SF3B3: variants seen among roughly 807,000 people sequenced by gnomAD.
SF3B3 encodes the protein splicing factor 3b subunit 3, also known as SAP 130.
Under a neutral mutation model 139.2 loss-of-function variants are expected in SF3B3, and 33 were observed. The ratio of observed to expected loss-of-function variants is 0.24; its 90% confidence interval spans 0.18 to 0.32. SF3B3 has a LOEUF of 0.32. Ranked by LOEUF, SF3B3 falls within the 10% of genes least tolerant of loss-of-function variation. The pLI, the probability that SF3B3 is intolerant of heterozygous loss-of-function variation, is 1.00. For synonymous variants in SF3B3, 596 were observed against 563.6 expected (o/e 1.06, Z -0.81); for missense variants, 818 against 1,509.4 (o/e 0.54, Z 7.59).
Position 70,543,859 on chromosome 16 carries a change from T to A in SF3B3, c.1234-579T>A, listed in dbSNP as rs4643306. On this transcript the variant is annotated intron_variant, in intron 9 of 25. Coordinates refer to ENST00000302516, the MANE Select transcript of SF3B3 (RefSeq NM_012426.5). ...TACTGTTTTTTTGTGTTTTTTTTTT[T>A]AATTTTTTTTTGAGACAAGAGTCTC... 6.6e-3 allele frequency among the ~76,000 whole-genome samples: 1,004 copies of A among 152,008 alleles called. 17 individuals are homozygous for A. The highest frequency in any genetic ancestry group is 0.023 in the African/African-American group (943 of 41,416).
intron 2 of SF3B3, among the ~76,000 whole-genome samples, chr16:70,527,695 A>C (rs933073141): frequency 6.6e-6 from 1 of 152,218 alleles, no homozygotes; most frequent in Non-Finnish European, 1.5e-5. Flanking sequence ...AATGAATCTC[A>C]GCTGGAGTTT....
At chr16:70,554,789 C>T (rs1421469191) in intron 12 of SF3B3, among the ~76,000 whole-genome samples, 192 bp downstream of exon 12, 1 of 152,224 alleles carries the variant, frequency 6.6e-6, no homozygotes, top group Non-Finnish European at 1.5e-5. Context: ...CACATCACTG[C>T]AGCTTTCATC....
intron 20 of SF3B3, among the ~76,000 whole-genome samples, 169 bp from the exon 21 acceptor site, chr16:70,567,242 A>G (rs918152095): frequency 6.6e-6 from 1 of 152,300 alleles, no homozygotes; most frequent in African/African-American, 2.4e-5. Context: ...GAGTGAATGC[A>G]GCATGCGGAA....
At chr16:70,559,841 AGTC>A in intron 15 of SF3B3, among the ~76,000 whole-genome samples, 1 of 151,816 alleles carries the variant, frequency 6.6e-6, no homozygotes, top group East Asian at 1.9e-4. Context: ...GGCCTCAAGC[AGTC>A]GTCCTTCCTT....
intron 11 of SF3B3, among the ~76,000 whole-genome samples, chr16:70,553,507 G>C (rs1270972346): frequency 6.6e-6 from 1 of 151,988 alleles, no homozygotes; most frequent in Non-Finnish European, 1.5e-5. Context: ...TGGTTAAGGG[G>C]GTGTTAAAAC....
At chr16:70,569,215 C>G in intron 23 of SF3B3, 74 bp downstream of exon 23, 1 of 1,075,852 alleles carries the variant, frequency 9.3e-7, no homozygotes, top group Non-Finnish European at 1.4e-6. Context: ...AAGAAATTGC[C>G]TTTGGTGAAT....
chr16:70,533,516 G>C (rs1229994299), intron 5 of SF3B3, among the ~76,000 whole-genome samples: 1 of 152,152 alleles, frequency 6.6e-6, no homozygotes, highest in Non-Finnish European at 1.5e-5. Context: ...CAGCAAATCA[G>C]ATTCAGTGTT....
intron 14 of SF3B3, 105 bp downstream of exon 14, chr16:70,556,439 G>C: frequency 7.5e-7 from 1 of 1,325,372 alleles, no homozygotes; most frequent in South Asian, 1.3e-5. Flanking sequence ...TCTGAGATCA[G>C]CTGGGTTAGA....
At chr16:70,537,425 C>A (rs558687260) in intron 6 of SF3B3, among the ~76,000 whole-genome samples, 16 of 152,284 alleles carry the variant, frequency 1.1e-4, no homozygotes, top group African/African-American at 3.9e-4. Context: ...CCCTCTTCCC[C>A]GGCGTCTTTT....
At chr16:70,533,677 G>A (rs2050141700) in intron 5 of SF3B3, among the ~76,000 whole-genome samples, 1 of 152,222 alleles carries the variant, frequency 6.6e-6, no homozygotes, top group African/African-American at 2.4e-5. Flanking sequence ...GTGGTCATCT[G>A]CATTTCAGCA....
chr16:70,535,281 A>G (rs762910402), intron 5 of SF3B3, 27 bp from the exon 6 acceptor site: 1 of 1,220,972 alleles, frequency 8.2e-7, no homozygotes, highest in East Asian at 2.5e-5. Context: ...AGTCAAAGTC[A>G]CTGCTAAGTT....
At chr16:70,555,332 G>C in intron 13 of SF3B3, 126 bp downstream of exon 13, 1 of 886,290 alleles carries the variant, frequency 1.1e-6, no homozygotes, top group Non-Finnish European at 1.8e-6. Context: ...ACAAAAATTA[G>C]CTGGGCGTGT....
chr16:70,570,268 A>G, intron 24 of SF3B3, 119 bp downstream of exon 24: 1 of 1,025,840 alleles, frequency 9.7e-7, no homozygotes. Flanking sequence ...TGGGAATTAT[A>G]AAGTGACAGA....
intron 11 of SF3B3, among the ~76,000 whole-genome samples, chr16:70,552,012 T>C (rs1271801583): frequency 6.6e-6 from 1 of 152,198 alleles, no homozygotes; most frequent in Non-Finnish European, 1.5e-5. Context: ...CTCCCACTTG[T>C]TGAATTGTCT....
In SF3B3 at chr16:70,565,428, C is replaced by G; in HGVS notation, c.2730C>G (p.Ala910=). The G allele has an allele frequency of 6.2e-7, 1 of 1,614,084 alleles. No homozygotes were observed. The highest frequency in any genetic ancestry group is 1.1e-5 in the South Asian group (1 of 91,078). The part of the protein sequence containing the change: ...GEDWYVLVGV[A]KDLILNPRSV... The stretch of plus-strand genomic sequence containing the variant: ...ACTGGTATGTGCTGGTGGGTGTGGC[C>G]AAGGACCTGATACTAAACCCCCGAT... The change falls in exon 20 of 26, where the codon GCC becomes GCG. Residue 910 remains alanine (A), a synonymous_variant. Coordinates refer to ENST00000302516, the MANE Select transcript of SF3B3 (RefSeq NM_012426.5).
At chr16:70,542,269 G>T (rs1226453100) in intron 9 of SF3B3, among the ~76,000 whole-genome samples, 2 of 152,204 alleles carry the variant, frequency 1.3e-5, no homozygotes, top group South Asian at 4.1e-4. Flanking sequence ...ATACTCCACA[G>T]TATTCTGTGG....
intron 15 of SF3B3, 46 bp from the exon 16 acceptor site, chr16:70,560,423 T>C: frequency 1.2e-6 from 2 of 1,602,190 alleles, no homozygotes; most frequent in South Asian, 1.1e-5. Context: ...CCATCATAGC[T>C]GATAAGCTTC....
chr16:70,544,089 G>T, intron 9 of SF3B3, among the ~76,000 whole-genome samples: 1 of 152,172 alleles, frequency 6.6e-6, no homozygotes, highest in East Asian at 1.9e-4. Context: ...TTTTAAAGTT[G>T]TGGAAAACAG....
At chr16:70,524,898 T>A (rs539803695) in intron 1 of SF3B3, 2 of 152,216 alleles carry the variant, frequency 1.3e-5, no homozygotes, top group South Asian at 4.2e-4. Flanking sequence ...GCCAGGATGG[T>A]CTCGATCTCC....
Sources: allele counts gnomAD v4.1 joint callset (sites outside exome capture counted in the v4.1 genomes callset), GRCh38; gene constraint gnomAD v4.1.1; transcripts MANE v1.5; gene names NCBI Gene and HGNC (gene_info 2026-07-23, HGNC 2026-07-21).